The following TSNARE1 variants were observed in gnomAD, a reference collection of about 807,000 sequenced individuals.
TSNARE1 encodes t-SNARE domain containing 1.
A neutral mutation model predicts 62.0 loss-of-function variants in TSNARE1; 49 were observed. The observed-to-expected ratio is 0.79, with a 90% confidence interval of 0.63 to 1.00. The LOEUF (loss-of-function observed/expected upper bound fraction) is 1.00, where lower values mean the gene tolerates loss of function less well. Ranked by LOEUF, TSNARE1 falls within the 50% of genes least tolerant of loss-of-function variation. The pLI is 0.00. For synonymous variants in TSNARE1, 328 were observed against 294.4 expected (o/e 1.11, Z -1.17); for missense variants, 755 against 700.1 (o/e 1.08, Z -0.88).
chr8:142,375,479 G>A (rs1836261467), intron 1 of TSNARE1, among the ~76,000 whole-genome samples: 1 of 152,232 alleles, frequency 6.6e-6, no homozygotes, highest in South Asian at 2.1e-4. Flanking sequence ...GCACTGGCAG[G>A]ACATGCCCTG....
rs185332557 is a variant in TSNARE1 at position 142,292,205 on chromosome 8, C to T, written c.1291-7720G>A. 2.1e-4 allele frequency among the ~76,000 whole-genome samples: 32 copies of T among 152,216 alleles called. No homozygotes were observed. The East Asian group carries it at 2.9e-3, about 14-fold the overall frequency. On this transcript the variant is annotated intron_variant, in intron 10 of 13. Transcript: ENST00000524325. ...CGAGACAGGGGCAGACAAGCCTTCCCGAGAGTCTCCACCCTTGGCTCTCCG... is the reference window on the plus strand; with the variant it reads ...CGAGACAGGGGCAGACAAGCCTTCCTGAGAGTCTCCACCCTTGGCTCTCCG...
chr8:142,277,288 G>A (rs1191999253), intron 11 of TSNARE1: 3 of 985,392 alleles, frequency 3.0e-6, no homozygotes, highest in Non-Finnish European at 3.6e-6. Context: ...GCCAGAGAGA[G>A]CAGCCTTTGG....
intron 1 of TSNARE1, among the ~76,000 whole-genome samples, chr8:142,355,707 A>G (rs1231292671): frequency 6.6e-6 from 1 of 152,188 alleles, no homozygotes; most frequent in Non-Finnish European, 1.5e-5. Context: ...CTTAAGTTCT[A>G]AACACCTCAG....
chr8:142,368,986 T>G (rs2130998066), intron 1 of TSNARE1, among the ~76,000 whole-genome samples: 1 of 152,250 alleles, frequency 6.6e-6, no homozygotes. Context: ...CAAGCAGAGT[T>G]TGACTGTCGC....
chr8:142,380,818 T>G (rs1836685007), intron 1 of TSNARE1, among the ~76,000 whole-genome samples: 1 of 151,434 alleles, frequency 6.6e-6, no homozygotes, highest in African/African-American at 2.4e-5. Flanking sequence ...CTGACAGGCG[T>G]GGTCTGAGTT....
intron 1 of TSNARE1, among the ~76,000 whole-genome samples, chr8:142,395,970 G>A (rs936849351): frequency 1.3e-5 from 2 of 152,152 alleles, no homozygotes; most frequent in Admixed American, 1.3e-4. Context: ...AGCCAAGGTG[G>A]CCCGCTCTGT....
At chr8:142,352,153 T>C (rs1246899299) in intron 2 of TSNARE1, among the ~76,000 whole-genome samples, 3 of 152,230 alleles carry the variant, frequency 2.0e-5, no homozygotes, top group Non-Finnish European at 4.4e-5. Flanking sequence ...ACCCACCTGA[T>C]GAGGCTTTCA....
At chr8:142,246,641 C>T (rs1294715853) in intron 12 of TSNARE1, among the ~76,000 whole-genome samples, 1 of 152,186 alleles carries the variant, frequency 6.6e-6, no homozygotes, top group Non-Finnish European at 1.5e-5. Flanking sequence ...CTCTTGGCTT[C>T]CCTGAGCCCT....
chr8:142,321,517 A>C (rs1829481330), intron 6 of TSNARE1, among the ~76,000 whole-genome samples: 1 of 152,236 alleles, frequency 6.6e-6, no homozygotes, highest in Admixed American at 6.5e-5. Context: ...GACCAATAAT[A>C]GAAACAATAA....
intron 12 of TSNARE1, chr8:142,270,609 G>A (rs1819444873): frequency 1.0e-6 from 1 of 985,148 alleles, no homozygotes; most frequent in African/African-American, 1.7e-5. Flanking sequence ...CCCTCCAAGT[G>A]TGCATGCCCA....
chr8:142,334,383 A>G (rs2132088471), intron 4 of TSNARE1, among the ~76,000 whole-genome samples: 1 of 152,202 alleles, frequency 6.6e-6, no homozygotes, highest in East Asian at 1.9e-4. Context: ...AAGCTCTGAC[A>G]GGAGCACAAG....
At chr8:142,378,548 G>A (rs1419325543) in intron 1 of TSNARE1, among the ~76,000 whole-genome samples, 3 of 152,206 alleles carry the variant, frequency 2.0e-5, no homozygotes, top group Admixed American at 6.5e-5. Context: ...TTACAAAGCC[G>A]AGAGTAAAGT....
intron 6 of TSNARE1, among the ~76,000 whole-genome samples, chr8:142,321,870 C>A (rs566977664): frequency 7.2e-5 from 11 of 152,152 alleles, no homozygotes; most frequent in Admixed American, 5.9e-4. Flanking sequence ...ATCATGCAAT[C>A]CCCTAGAAAA....
At chr8:142,238,102 C>T (rs982635406) in intron 12 of TSNARE1, among the ~76,000 whole-genome samples, 4 of 152,074 alleles carry the variant, frequency 2.6e-5, no homozygotes, top group Admixed American at 6.5e-5. Context: ...CTGGTGACTG[C>T]GTTACCCGCC....
chr8:142,331,727 GCAGGCC>G (rs777035833), intron 5 of TSNARE1, 21 bp downstream of exon 5: 1 of 1,569,382 alleles, frequency 6.4e-7, no homozygotes, highest in African/African-American at 1.4e-5. Flanking sequence ...GGATGGAGGG[GCAGGCC>G]CAGGCCAGAC....
chr8:142,218,271 GGCC>G (rs1324158869), intron 13 of TSNARE1, among the ~76,000 whole-genome samples: 1 of 151,626 alleles, frequency 6.6e-6, no homozygotes, highest in African/African-American at 2.4e-5. Flanking sequence ...CTCAGGGTGT[GGCC>G]AGGGTCAGGG....
At chr8:142,304,700 A>T (rs1481584742) in intron 9 of TSNARE1, among the ~76,000 whole-genome samples, 1 of 152,184 alleles carries the variant, frequency 6.6e-6, no homozygotes, top group Non-Finnish European at 1.5e-5. Context: ...GGAGAGCTCG[A>T]GCTGAGGCAT....
chr8:142,374,506 G>A (rs984708359), intron 1 of TSNARE1, among the ~76,000 whole-genome samples: 1 of 151,152 alleles, frequency 6.6e-6, no homozygotes, highest in East Asian at 2.0e-4. Flanking sequence ...GTGAAACCCC[G>A]TCTCTACTAA....
At chr8:142,292,031 G>A (rs1035939278) in intron 10 of TSNARE1, among the ~76,000 whole-genome samples, 7 of 151,574 alleles carry the variant, frequency 4.6e-5, no homozygotes, top group African/African-American at 7.3e-5. Context: ...TCTGAGGCTC[G>A]GCTTCCTTCT....
Sources: allele counts gnomAD v4.1 joint callset (sites outside exome capture counted in the v4.1 genomes callset), GRCh38; gene constraint gnomAD v4.1.1; transcripts MANE v1.5; gene names NCBI Gene and HGNC (gene_info 2026-07-23, HGNC 2026-07-21).